The following SEC24B variants were observed in gnomAD, a reference collection of about 807,000 sequenced individuals.
SEC24B encodes SEC24 homolog B, COPII component, also known as protein transport protein Sec24B.
Under a neutral mutation model 142.8 loss-of-function variants are expected in SEC24B, and 45 were observed. That is an observed-to-expected ratio of 0.32 (90% confidence interval 0.25 to 0.40). The LOEUF (loss-of-function observed/expected upper bound fraction) is 0.40. SEC24B is among the 10% of genes least tolerant of loss of function. The pLI, the probability that SEC24B is intolerant of heterozygous loss-of-function variation, is 1.00. For synonymous variants in SEC24B, 574 were observed against 568.2 expected (o/e 1.01, Z -0.15); for missense variants, 1,409 against 1,526.8 (o/e 0.92, Z 1.29).
At chr4:109,504,986 T>C (rs888440307) in intron 6 of SEC24B, among the ~76,000 whole-genome samples, 1 of 152,132 alleles carries the variant, frequency 6.6e-6, no homozygotes, top group Admixed American at 6.5e-5. Context: ...AAGGGGGCTA[T>C]ATTTACAACA....
chr4:109,486,658 T>A (rs1438680053), intron 4 of SEC24B, among the ~76,000 whole-genome samples: 1 of 152,198 alleles, frequency 6.6e-6, no homozygotes, highest in Admixed American at 6.5e-5. Flanking sequence ...TATCAGTAAT[T>A]GTAGTGTGAA....
Position 109,494,621 on chromosome 4 carries a change from T to C in SEC24B, c.1253T>C (p.Leu418Pro). The C allele has an allele frequency of 6.2e-7, 1 of 1,613,974 alleles. No homozygotes were observed. The highest frequency in any genetic ancestry group is 8.5e-7 in the Non-Finnish European group (1 of 1,180,024). The change falls in exon 6 of 24, where the codon CTT (leucine) becomes CCT (proline). Residue 418 changes from leucine (L) to proline (P), a missense_variant. By Grantham distance (98) the Leu-to-Pro change is moderately conservative. This residue lies in a region of SEC24B where 709 missense variants were observed against 673.5 expected (regional missense o/e 1.05). Transcript: ENST00000265175. ...ATGTGTTTCCATTTTTTAGATATGC[T>C]TTCTTCATCAGCAAGCAGTCCTGCT... is the stretch of plus-strand genomic sequence containing the variant. ...ALEGGSYPDMLSSSASSPAPD... is the reference protein window; with the variant it reads ...ALEGGSYPDMPSSSASSPAPD...
intron 2 of SEC24B, among the ~76,000 whole-genome samples, chr4:109,464,771 C>CT (rs1482875743): frequency 6.6e-6 from 1 of 152,142 alleles, no homozygotes; most frequent in Non-Finnish European, 1.5e-5. Context: ...AAAATTAGAA[C>CT]TTTAATATTA....
chr4:109,464,087 C>A (rs1265371230), intron 2 of SEC24B, among the ~76,000 whole-genome samples: 1 of 152,088 alleles, frequency 6.6e-6, no homozygotes, highest in Non-Finnish European at 1.5e-5. Flanking sequence ...CCCAAGTTAG[C>A]CCCTATTAGT....
intron 1 of SEC24B, among the ~76,000 whole-genome samples, chr4:109,435,558 A>C (rs1441991311): frequency 6.6e-6 from 1 of 152,186 alleles, no homozygotes; most frequent in African/African-American, 2.4e-5. Context: ...TAAAGTGGCA[A>C]ATGTTTATTA....
intron 4 of SEC24B, among the ~76,000 whole-genome samples, chr4:109,485,922 A>G (rs897220835): frequency 4.6e-5 from 7 of 152,238 alleles, no homozygotes; most frequent in Non-Finnish European, 8.8e-5. Flanking sequence ...TGAAAAATCA[A>G]CCAGCAGGGT....
Position 109,463,256 on chromosome 4 carries a change from C to G in SEC24B, c.489C>G (p.Ala163=), listed in dbSNP as rs368947555. 3 of 1,614,130 alleles carry G rather than the reference C, an allele frequency of 1.9e-6. No homozygotes were observed. The highest frequency in any genetic ancestry group is 1.7e-6 in the Non-Finnish European group (2 of 1,179,988). Residue 163 remains alanine (A), a synonymous_variant, in exon 2 of 24, where the codon GCC becomes GCG. Transcript: ENST00000265175. ...TTGTGAATCACTACAATAGTCCAGC[C>G]ATGTACTCTGCCAGCTCTTCTGTTG... ...SSFVNHYNSP[A]MYSASSSVAS...
intron 6 of SEC24B, among the ~76,000 whole-genome samples, chr4:109,495,192 T>A (rs1324581735): frequency 6.6e-6 from 1 of 152,200 alleles, no homozygotes; most frequent in Non-Finnish European, 1.5e-5. Flanking sequence ...GTTAAGTTTT[T>A]AAAAAAATTT....
chr4:109,479,635 A>C (rs1055186680), intron 3 of SEC24B, among the ~76,000 whole-genome samples: 1 of 151,782 alleles, frequency 6.6e-6, no homozygotes, highest in Non-Finnish European at 1.5e-5. Context: ...GGGTCTCACT[A>C]TGTTGCCCAG....
Position 109,539,683 on chromosome 4 carries a change from TA to T in SEC24B, c.*12del. On this transcript the variant is annotated 3_prime_UTR_variant, in exon 24 of 24. Coordinates refer to ENST00000265175, the MANE Select transcript of SEC24B (RefSeq NM_006323.5). ...CAGCAGATTTGTAAGTGAAGTAGAA[TA>T]AAATTGAATAAGAAAAAGATCTATA... The T allele has an allele frequency of 6.5e-7, 1 of 1,531,184 alleles. No individual in the cohort carries two copies. Among genetic ancestry groups the T allele is most frequent in the African/African-American group, 1.4e-5 (1 of 73,084 alleles). The allele number at this position is 1,531,184 out of a possible 1,614,324, so 94.8% of individuals were successfully genotyped here.
chr4:109,538,487 T>A lies in SEC24B; in HGVS notation c.3589-6T>A. 1 of 1,596,908 alleles carries A rather than the reference T, an allele frequency of 6.3e-7. No homozygotes were observed. The highest frequency in any genetic ancestry group is 1.1e-5 in the South Asian group (1 of 90,540). On this transcript the variant is annotated splice_polypyrimidine_tract_variant and splice_region_variant and intron_variant, in intron 22 of 23. Transcript: ENST00000265175. ...GAAAGTTTCCTAATTGTATTTCTTT[T>A]ACCAGACACATCTTCCAGAGCTAGA...
chr4:109,438,952 G>A (rs1295488608), intron 1 of SEC24B, among the ~76,000 whole-genome samples: 2 of 152,106 alleles, frequency 1.3e-5, no homozygotes, highest in African/African-American at 2.4e-5. Context: ...GTCCTCAAAC[G>A]TAGGAAGACT....
intron 22 of SEC24B, among the ~76,000 whole-genome samples, chr4:109,537,111 G>A (rs1177628581): frequency 2.6e-5 from 4 of 151,782 alleles, no homozygotes; most frequent in Non-Finnish European, 5.9e-5. Context: ...ATTTTAATAG[G>A]CAATTCATAA....
chr4:109,534,047 C>A (rs1372019899), intron 22 of SEC24B, among the ~76,000 whole-genome samples: 1 of 141,664 alleles, frequency 7.1e-6, no homozygotes, highest in African/African-American at 2.6e-5. Context: ...ATTAGTAGTT[C>A]TTTTTTTTTT....
intron 1 of SEC24B, among the ~76,000 whole-genome samples, chr4:109,459,679 CT>C (rs1731062051): frequency 6.6e-6 from 1 of 152,144 alleles, no homozygotes; most frequent in African/African-American, 2.4e-5. Flanking sequence ...CAACTCACTT[CT>C]GATAAATTTC....
intron 23 of SEC24B, among the ~76,000 whole-genome samples, 175 bp downstream of exon 23, chr4:109,538,771 T>G (rs1308511477): frequency 6.6e-6 from 1 of 152,100 alleles, no homozygotes; most frequent in African/African-American, 2.4e-5. Context: ...TTAGTAATTT[T>G]TAATTTTCTT....
At chr4:109,501,450 A>G (rs1455116656) in intron 6 of SEC24B, among the ~76,000 whole-genome samples, 1 of 152,240 alleles carries the variant, frequency 6.6e-6, no homozygotes, top group Non-Finnish European at 1.5e-5. Flanking sequence ...AAGTGGAATT[A>G]CAGAATCAAA....
intron 21 of SEC24B, among the ~76,000 whole-genome samples, chr4:109,533,242 A>G (rs1297046456): frequency 6.6e-6 from 1 of 152,176 alleles, no homozygotes; most frequent in Non-Finnish European, 1.5e-5. Context: ...CAGAAAAAGG[A>G]TTTGGATAGC....
intron 4 of SEC24B, among the ~76,000 whole-genome samples, chr4:109,483,137 T>C (rs950109512): frequency 1.3e-5 from 2 of 149,548 alleles, no homozygotes; most frequent in Admixed American, 6.7e-5. Flanking sequence ...TGGAGTGCAG[T>C]GGAGCGATCT....
Sources: allele counts gnomAD v4.1 joint callset (sites outside exome capture counted in the v4.1 genomes callset), GRCh38; gene constraint gnomAD v4.1.1; regional missense constraint gnomAD v4.1.1; transcripts MANE v1.5; gene names NCBI Gene and HGNC (gene_info 2026-07-23, HGNC 2026-07-21).